The following GRIA2 variants were observed in gnomAD, a reference collection of about 807,000 sequenced individuals.
GRIA2 encodes the protein glutamate receptor 2.
In GRIA2, 14 loss-of-function variants were observed where a neutral mutation model predicts 97.3. The ratio of observed to expected loss-of-function variants is 0.14; its 90% confidence interval spans 0.10 to 0.23. The LOEUF (loss-of-function observed/expected upper bound fraction) is 0.23. GRIA2 is among the 10% of genes least tolerant of loss of function. The pLI, the probability that GRIA2 is intolerant of heterozygous loss-of-function variation, is 1.00. For synonymous variants in GRIA2, 412 were observed against 387.8 expected (o/e 1.06, Z -0.73); for missense variants, 558 against 1,069.8 (o/e 0.52, Z 6.67).
intron 2 of GRIA2, among the ~76,000 whole-genome samples, chr4:157,276,625 A>G (rs976751652): frequency 6.6e-6 from 1 of 151,892 alleles, no homozygotes; most frequent in African/African-American, 2.4e-5. Flanking sequence ...GATCAGTAAT[A>G]TCAATCAGCT....
chr4:157,326,292 G>C (rs1332681455), intron 6 of GRIA2, among the ~76,000 whole-genome samples: 1 of 151,988 alleles, frequency 6.6e-6, no homozygotes, highest in Non-Finnish European at 1.5e-5. Flanking sequence ...CCACCATCAG[G>C]GTTTGTGCAT....
chr4:157,290,095 T>C (rs1161025439), intron 2 of GRIA2, among the ~76,000 whole-genome samples: 1 of 151,900 alleles, frequency 6.6e-6, no homozygotes, highest in Non-Finnish European at 1.5e-5. Context: ...TAAGTCTTAG[T>C]TATTACTTAA....
At chr4:157,317,569 C>T (rs766413870) in intron 4 of GRIA2, 89 bp from the exon 5 acceptor site, 25 of 504,922 alleles carry the variant, frequency 5.0e-5, no homozygotes, top group Middle Eastern at 2.9e-4. Context: ...TAAAATTCCA[C>T]GTTTTTCCCT....
At chr4:157,226,038 A>G (rs1318723359) in intron 2 of GRIA2, among the ~76,000 whole-genome samples, 1 of 152,000 alleles carries the variant, frequency 6.6e-6, no homozygotes, top group Admixed American at 6.5e-5. Context: ...TTGAAAATTA[A>G]AAGTATTAAA....
chr4:157,334,058 C>T lies in GRIA2; in HGVS notation c.1204C>T (p.Leu402Phe). The stretch of plus-strand genomic sequence containing the variant: ...CAAAATGGTTGTTACCCTTACTGAG[C>T]TCCCTTCTGGAAATGACACCTCTGG... ...VDKMVVTLTE[L>F]PSGNDTSGLE... Residue 402 changes from leucine (L) to phenylalanine (F), a missense_variant, in exon 9 of 16, where the codon CTC becomes TTC. Transcript: ENST00000264426. 6.2e-7 allele frequency: 1 copy of T among 1,610,930 alleles called. No individual in the cohort carries two copies. Among genetic ancestry groups the T allele is most frequent in the Non-Finnish European group, 8.5e-7 (1 of 1,177,512 alleles).
chr4:157,348,599 T>C lies in GRIA2; in HGVS notation c.2043+7137T>C, dbSNP rs116379329. 6.0e-3 allele frequency among the ~76,000 whole-genome samples: 910 copies of C among 152,150 alleles called. 5 individuals carry two copies. Among genetic ancestry groups the C allele is most frequent in the Middle Eastern group, 0.02 (6 of 294 alleles). ...ACAAATCAAGCAATGACAAATATTA[T>C]CAAAGTTCCAAAATATGCTATTTCA... On this transcript the variant is annotated intron_variant, in intron 12 of 15. Transcript: ENST00000264426.
At chr4:157,278,596 T>G (rs1297737214) in intron 2 of GRIA2, among the ~76,000 whole-genome samples, 1 of 152,002 alleles carries the variant, frequency 6.6e-6, no homozygotes, top group African/African-American at 2.4e-5. Context: ...AAAGGCACAG[T>G]CTATGAAAGA....
chr4:157,266,748 G>A (rs1348420979), intron 2 of GRIA2, among the ~76,000 whole-genome samples: 2 of 152,016 alleles, frequency 1.3e-5, no homozygotes, highest in African/African-American at 4.8e-5. Flanking sequence ...TGAGAGACTC[G>A]AACAAGAGAA....
intron 2 of GRIA2, among the ~76,000 whole-genome samples, chr4:157,242,308 G>A (rs1730545175): frequency 6.6e-6 from 1 of 151,992 alleles, no homozygotes; most frequent in South Asian, 2.1e-4. Context: ...ATTGATATAA[G>A]AAACAGAGCC....
chr4:157,239,553 A>G (rs1448962094), intron 2 of GRIA2, among the ~76,000 whole-genome samples: 1 of 151,976 alleles, frequency 6.6e-6, no homozygotes, highest in Non-Finnish European at 1.5e-5. Flanking sequence ...TTCTAATAAT[A>G]TACTTGAAAC....
At chr4:157,333,385 T>C in intron 8 of GRIA2, 32 bp downstream of exon 8, 2 of 1,133,360 alleles carry the variant, frequency 1.8e-6, no homozygotes, top group Non-Finnish European at 2.6e-6. Context: ...GGCAGTTCTA[T>C]GTGAGGAGGT....
chr4:157,251,081 T>C lies in GRIA2; in HGVS notation c.229+29274T>C, dbSNP rs549753430. Among the ~76,000 whole-genome samples, 188 of 152,198 alleles carry C rather than the reference T, an allele frequency of 1.2e-3. 1 individual carries two copies. The highest frequency in any genetic ancestry group is 4.0e-3 in the African/African-American group (168 of 41,582). On this transcript the variant is annotated intron_variant, in intron 2 of 15. Coordinates refer to ENST00000264426, the MANE Select transcript of GRIA2 (RefSeq NM_001083619.3). Reference sequence around the variant, plus strand: ...TAAATTGCTTGGATTTGATGCATTATGGAGCCTATCAAAAAAAGCGTATAC... The same window carrying C: ...TAAATTGCTTGGATTTGATGCATTACGGAGCCTATCAAAAAAAGCGTATAC...
intron 2 of GRIA2, among the ~76,000 whole-genome samples, chr4:157,282,244 C>T (rs1333838654): frequency 1.3e-5 from 2 of 152,012 alleles, no homozygotes; most frequent in African/African-American, 4.8e-5. Flanking sequence ...CATGGCCGAA[C>T]CCAGAGCCAA....
At position 157,256,226 on chromosome 4, in the gene GRIA2, A is replaced by AACATATATTACATATATGTTATATATT. The variant is rs1554007393; in HGVS notation, c.229+34420_229+34421insCATATATTACATATATGTTATATATTA. The stretch of plus-strand genomic sequence containing the variant: ...CATATATATGTTATATATAATATAT[A>AACATATATTACATATATGTTATATATT]ATATATAATATATATATATAATATA... On this transcript the variant is annotated intron_variant, in intron 2 of 15. Coordinates refer to ENST00000264426, the MANE Select transcript of GRIA2 (RefSeq NM_001083619.3). Among the ~76,000 whole-genome samples the AACATATATTACATATATGTTATATATT allele has an allele frequency of 2.5e-5, 3 of 119,872 alleles. 1 individual carries two copies. The highest frequency in any genetic ancestry group is 3.4e-5 in the African/African-American group (1 of 29,090). The allele number at this position is 119,872 out of a possible 152,430, so 78.6% of individuals were successfully genotyped here.
At chr4:157,227,451 G>C (rs1371956836) in intron 2 of GRIA2, among the ~76,000 whole-genome samples, 2 of 152,126 alleles carry the variant, frequency 1.3e-5, no homozygotes, top group Admixed American at 6.6e-5. Context: ...GAGAGTATGT[G>C]TTTTTTCTCT....
At chr4:157,333,148 A>C in intron 7 of GRIA2, 101 bp from the exon 8 acceptor site, 1 of 902,656 alleles carries the variant, frequency 1.1e-6, no homozygotes, top group South Asian at 1.7e-5. Context: ...AATATTATTG[A>C]TGTAGTTTTC....
chr4:157,297,083 A>G (rs1733380271), intron 2 of GRIA2, among the ~76,000 whole-genome samples: 1 of 152,158 alleles, frequency 6.6e-6, no homozygotes, highest in South Asian at 2.1e-4. Context: ...ATCTGCCATG[A>G]GAGGAAAAAG....
At chr4:157,328,728 C>A (rs1734917716) in intron 6 of GRIA2, among the ~76,000 whole-genome samples, 1 of 151,892 alleles carries the variant, frequency 6.6e-6, no homozygotes, top group South Asian at 2.1e-4. Context: ...ATATAAAATT[C>A]TTAATCTGTA....
chr4:157,230,526 T>C (rs201010819), intron 2 of GRIA2, among the ~76,000 whole-genome samples: 14 of 147,432 alleles, frequency 9.5e-5, no homozygotes, highest in African/African-American at 1.3e-4. Context: ...TTCCTTCCTT[T>C]CTTCCTTCCT....
Sources: allele counts gnomAD v4.1 joint callset (sites outside exome capture counted in the v4.1 genomes callset), GRCh38; gene constraint gnomAD v4.1.1; transcripts MANE v1.5; gene names NCBI Gene and HGNC (gene_info 2026-07-23, HGNC 2026-07-21).